Variants in DAB1 observed in about 807,000 individuals in gnomAD.
DAB1 encodes the protein DAB adaptor protein 1.
A neutral mutation model predicts 64.6 loss-of-function variants in DAB1; 15 were observed. The observed-to-expected ratio is 0.23, with a 90% CI of 0.16 to 0.36. DAB1 has a LOEUF of 0.36. DAB1 is among the 10% of genes least tolerant of loss of function. The probability of loss-of-function intolerance (pLI) is 1.00; values close to 1 mark genes in which losing one functional copy is unlikely to be tolerated. For missense variants in DAB1, 596 were observed against 706.7 expected (o/e 0.84, Z 1.78); for synonymous variants, 235 against 251.9 (o/e 0.93, Z 0.64).
intron 3 of DAB1, chr1:58,468,689 A>C (rs1049235865): frequency 1.3e-5 from 2 of 152,334 alleles, no homozygotes; most frequent in African/African-American, 4.8e-5. Flanking sequence ...AGGAGGAGGA[A>C]GTAGGAAGAG....
chr1:57,479,874 C>T (rs191190688), intron 7 of DAB1, among the ~76,000 whole-genome samples: 2 of 152,176 alleles, frequency 1.3e-5, no homozygotes, highest in African/African-American at 4.8e-5. Flanking sequence ...AAGCCAGGGG[C>T]CGGGCGCGGT....
chr1:57,540,638 C>A (rs1644790622), intron 7 of DAB1, among the ~76,000 whole-genome samples: 1 of 152,198 alleles, frequency 6.6e-6, no homozygotes, highest in Non-Finnish European at 1.5e-5. Flanking sequence ...AAAATCCTGT[C>A]ATTTGCATAT....
chr1:57,698,377 C>T (rs752655556), intron 6 of DAB1, among the ~76,000 whole-genome samples: 5 of 151,844 alleles, frequency 3.3e-5, no homozygotes, highest in Admixed American at 6.6e-5. Flanking sequence ...GGATTACAGG[C>T]GTGAGCCACA....
chr1:57,596,865 T>A (rs1173171926), intron 7 of DAB1, among the ~76,000 whole-genome samples: 2 of 152,286 alleles, frequency 1.3e-5, no homozygotes, highest in East Asian at 1.9e-4. Flanking sequence ...ATTCAACCAA[T>A]CAATTTAATT....
rs186229679 is a variant in DAB1, at chr1:57,322,083, A to G, written c.-136-30917T>C. ...ATGTCCTGTGGAGCAGCACAGCACA[A>G]TTCTGCTCTCTTTTCACAAAACAGT... On this transcript the variant is annotated intron_variant, in intron 1 of 14. Coordinates refer to ENST00000371236, the MANE Select transcript of DAB1 (RefSeq NM_001365792.1). Among the ~76,000 whole-genome samples the G allele has an allele frequency of 7.0e-3, 1,062 of 152,320 alleles. 7 individuals carry two copies. Among genetic ancestry groups the G allele is most frequent in the Non-Finnish European group, 0.011 (747 of 68,024 alleles).
In DAB1 at chr1:57,338,932, A is replaced by C. The variant is rs140869777; in HGVS notation, c.-136-47766T>G. ...AAATATTTAGAAGCTATAAGTCCGA[A>C]AGGCTAAGTTACTTACCTTTTTTAA... On this transcript the variant is annotated intron_variant, in intron 1 of 14. Transcript: ENST00000371236. Among the ~76,000 whole-genome samples the C allele has an allele frequency of 8.3e-3, 1,262 of 152,252 alleles. 9 individuals carry two copies. The highest frequency in any genetic ancestry group is 0.015 in the Admixed American group (235 of 15,294).
intron 3 of DAB1, among the ~76,000 whole-genome samples, chr1:58,361,112 G>A (rs1323361649): frequency 8.5e-5 from 13 of 152,216 alleles, no homozygotes; most frequent in Non-Finnish European, 1.5e-5. Context: ...AGACACTGAA[G>A]CCCTGGTGTG....
intron 3 of DAB1, among the ~76,000 whole-genome samples, chr1:58,428,466 G>A (rs571509683): frequency 6.6e-6 from 1 of 152,074 alleles, no homozygotes; most frequent in Non-Finnish European, 1.5e-5. Context: ...ATAAAACAAA[G>A]GTATCCATAC....
At chr1:57,633,290 C>T (rs1168862247) in intron 7 of DAB1, among the ~76,000 whole-genome samples, 4 of 152,200 alleles carry the variant, frequency 2.6e-5, no homozygotes, top group African/African-American at 9.7e-5. Context: ...ATCTGAATAA[C>T]CAGAAGGGCT....
intron 1 of DAB1, among the ~76,000 whole-genome samples, chr1:58,542,923 G>A (rs1047863306): frequency 6.6e-6 from 1 of 152,086 alleles, no homozygotes; most frequent in Non-Finnish European, 1.5e-5. Context: ...TGTAAGTTGG[G>A]TCTACAGCGG....
chr1:57,365,039 A>G (rs189071017), intron 1 of DAB1, among the ~76,000 whole-genome samples: 2 of 141,148 alleles, frequency 1.4e-5, no homozygotes, highest in Admixed American at 1.5e-4. Context: ...ATTATTGTTC[A>G]TAAATCATCC....
At chr1:57,641,391 T>TTTTTG (rs1646128022) in intron 7 of DAB1, among the ~76,000 whole-genome samples, 1 of 141,720 alleles carries the variant, frequency 7.1e-6, no homozygotes, top group African/African-American at 2.6e-5. Context: ...TTTTTTTTTT[T>TTTTTG]TTTTTTTTTT....
At chr1:57,972,495 A>G (rs1645821827) in intron 5 of DAB1, among the ~76,000 whole-genome samples, 1 of 152,150 alleles carries the variant, frequency 6.6e-6, no homozygotes, top group African/African-American at 2.4e-5. Flanking sequence ...CTCCCACCTC[A>G]GCCTCCCCAA....
chr1:57,062,893 T>C lies in DAB1; in HGVS notation c.714A>G (p.Gln238=), dbSNP rs148730065. The C allele has an allele frequency of 6.0e-5, 97 of 1,614,022 alleles. No individual in the cohort carries two copies. The Admixed American group carries it at 9.2e-4, about 15-fold the overall frequency. The change falls in exon 9 of 15, where the codon CAA becomes CAG. Residue 238 remains glutamine (Q), a synonymous_variant. Transcript: ENST00000371236. ...KEGVYDVPKS[Q]PVSAVTQLEL... ...GAGGAGATGTACTTACACTTACAGG[T>C]TGACTTTTTGGCACATCATAAACAC...
chr1:57,790,437 T>G (rs1451678735), intron 6 of DAB1, among the ~76,000 whole-genome samples: 2 of 152,158 alleles, frequency 1.3e-5, no homozygotes. Context: ...GTGAGTTAAT[T>G]AAACCTCTTT....
chr1:58,219,661 G>A (rs1189736662), intron 4 of DAB1, among the ~76,000 whole-genome samples: 2 of 152,170 alleles, frequency 1.3e-5, no homozygotes, highest in Non-Finnish European at 2.9e-5. Context: ...TCACTAAGAT[G>A]GGTGCTCCAC....
intron 5 of DAB1, 32 bp from the exon 6 acceptor site, chr1:57,071,673 G>C (rs577919871): frequency 6.2e-7 from 1 of 1,608,180 alleles, no homozygotes. Context: ...CACATCATAA[G>C]GGAATGGTAC....
chr1:57,787,130 T>C (rs763608974), intron 6 of DAB1, among the ~76,000 whole-genome samples: 4 of 152,172 alleles, frequency 2.6e-5, no homozygotes. Context: ...GTCAAAATTC[T>C]AGTAGATATT....
intron 4 of DAB1, among the ~76,000 whole-genome samples, chr1:57,124,780 G>T (rs1217381042): frequency 2.0e-5 from 3 of 152,102 alleles, no homozygotes; most frequent in Non-Finnish European, 4.4e-5. Flanking sequence ...GAAATATTTG[G>T]CTGAAGCCAT....
Sources: gnomAD v4.1 joint callset for allele counts (sites outside exome capture counted in the v4.1 genomes callset) on GRCh38, gnomAD v4.1.1 for gene constraint, MANE v1.5 for transcripts, NCBI Gene and HGNC (gene_info 2026-07-23, HGNC 2026-07-21) for gene names.